DAGLA: variants seen among roughly 807,000 people sequenced by gnomAD.
DAGLA encodes the protein diacylglycerol lipase alpha.
In DAGLA, 22 loss-of-function variants were observed where a neutral mutation model predicts 102.6. The observed-to-expected ratio is 0.21, with a 90% CI of 0.15 to 0.31. The LOEUF (loss-of-function observed/expected upper bound fraction) is 0.31. Among genes scored for constraint, DAGLA ranks in the 10% least tolerant of loss-of-function variants. DAGLA has a pLI of 1.00. For synonymous variants in DAGLA, 578 were observed against 628.9 expected, an observed-to-expected ratio of 0.92 and a Z score of 1.21; for missense variants, 927 against 1,446.6, an observed-to-expected ratio of 0.64 and a Z score of 5.83.
At chr11:61,683,140 C>T (rs541907932) in intron 1 of DAGLA, among the ~76,000 whole-genome samples, 10 of 152,338 alleles carry the variant, frequency 6.6e-5, no homozygotes, top group African/African-American at 1.2e-4. Flanking sequence ...GCATTCCATG[C>T]GGGTGTCTGC....
intron 3 of DAGLA, among the ~76,000 whole-genome samples, chr11:61,721,254 T>TGTG (rs536303984): frequency 1.8e-3 from 273 of 152,070 alleles, no homozygotes; most frequent in African/African-American, 6.0e-3. Flanking sequence ...ATTAGCCAGG[T>TGTG]GTGGTGGCAC....
chr11:61,701,516 C>T (rs944405701), intron 1 of DAGLA, among the ~76,000 whole-genome samples: 3 of 152,218 alleles, frequency 2.0e-5, no homozygotes, highest in Non-Finnish European at 2.9e-5. Flanking sequence ...CGATGAGCCC[C>T]CATGTGGTGG....
In DAGLA at chr11:61,743,419, G is replaced by A. The variant is rs145749190; in HGVS notation, c.2172-113G>A. ...TCCCTGCTGCACATCATCAACAACT[G>A]CTAAATGAACTGTACCCTTTATTCC... On this transcript the variant is annotated intron_variant, in intron 19 of 19. Coordinates refer to ENST00000257215, the MANE Select transcript of DAGLA (RefSeq NM_006133.3). 429 of 747,320 alleles carry A rather than the reference G, an allele frequency of 5.7e-4. 1 individual carries two copies. In the African/African-American group the frequency reaches 6.5e-3, roughly 11 times the overall value. The allele number at this position is 747,320 out of a possible 1,614,324, so 46.3% of individuals were successfully genotyped here. A position where few individuals can be genotyped will look rare whatever the true frequency, so the allele number is the denominator to read the frequency against.
chr11:61,709,690 C>T (rs1319622035), intron 1 of DAGLA, among the ~76,000 whole-genome samples: 3 of 152,096 alleles, frequency 2.0e-5, no homozygotes. Flanking sequence ...TGGCAGGTGC[C>T]ACCTCCCTCT....
At chr11:61,735,505 T>G in intron 10 of DAGLA, 56 bp from the exon 11 acceptor site, 1 of 1,524,548 alleles carries the variant, frequency 6.6e-7, no homozygotes, top group South Asian at 1.1e-5. Context: ...TAGGTCACTT[T>G]CCCTGAGTGT....
chr11:61,682,815 G>A (rs2064953747), intron 1 of DAGLA, among the ~76,000 whole-genome samples: 1 of 150,794 alleles, frequency 6.6e-6, no homozygotes, highest in Non-Finnish European at 1.5e-5. Flanking sequence ...AGGTCTGGAT[G>A]GTTCTGCGGG....
At chr11:61,733,571 G>A (rs2065395798) in intron 9 of DAGLA, among the ~76,000 whole-genome samples, 1 of 152,256 alleles carries the variant, frequency 6.6e-6, no homozygotes, top group South Asian at 2.1e-4. Flanking sequence ...GTGGGCTCCA[G>A]CGTCTGGTGC....
chr11:61,742,710 G>T (rs1193251136), intron 19 of DAGLA, among the ~76,000 whole-genome samples: 1 of 152,148 alleles, frequency 6.6e-6, no homozygotes, highest in Non-Finnish European at 1.5e-5. Context: ...GGTGGAACCA[G>T]TTGGGCAGCT....
At position 61,720,002 on chromosome 11, in the gene DAGLA, T is replaced by C. The variant is rs2065268430; in HGVS notation, c.-44-110T>C. 8 of 694,924 alleles carry C rather than the reference T, an allele frequency of 1.2e-5. No homozygotes were observed. The East Asian group carries it at 2.2e-4, about 19-fold the overall frequency. 43.0% of individuals were successfully genotyped at this position (694,924 alleles called of 1,614,324 possible). A position where few individuals can be genotyped will look rare whatever the true frequency, so the allele number is the denominator to read the frequency against. Reference sequence around the variant, plus strand: ...CACTTCCAGTGGCCAGCTCCAAAAATGCCTGTGCTTCTGGCCACACCGGGG... The same window carrying C: ...CACTTCCAGTGGCCAGCTCCAAAAACGCCTGTGCTTCTGGCCACACCGGGG... On this transcript the variant is annotated intron_variant, in intron 1 of 19. Coordinates refer to ENST00000257215, the MANE Select transcript of DAGLA (RefSeq NM_006133.3).
chr11:61,703,034 G>A (rs2065120966), intron 1 of DAGLA, among the ~76,000 whole-genome samples: 2 of 152,238 alleles, frequency 1.3e-5, no homozygotes, highest in African/African-American at 4.8e-5. Flanking sequence ...TGTGGAAAGA[G>A]GCCAGGGCTG....
intron 1 of DAGLA, among the ~76,000 whole-genome samples, chr11:61,685,992 G>T (rs1308859774): frequency 6.6e-6 from 1 of 152,194 alleles, no homozygotes; most frequent in Non-Finnish European, 1.5e-5. Context: ...GAACGCATGG[G>T]CATTCACTGA....
chr11:61,680,885 T>A (rs544920720), intron 1 of DAGLA, among the ~76,000 whole-genome samples: 16 of 152,292 alleles, frequency 1.1e-4, no homozygotes, highest in African/African-American at 3.8e-4. Flanking sequence ...GGCCAGCTCG[T>A]GCCGGCATGG....
At chr11:61,738,253 C>T in intron 16 of DAGLA, 46 bp downstream of exon 16, 2 of 1,517,526 alleles carry the variant, frequency 1.3e-6, no homozygotes, top group Non-Finnish European at 1.8e-6. Flanking sequence ...CCTCATCTGT[C>T]CCTGCCCTTG....
chr11:61,711,594 G>A (rs1279805235), intron 1 of DAGLA, among the ~76,000 whole-genome samples: 1 of 152,214 alleles, frequency 6.6e-6, no homozygotes, highest in Non-Finnish European at 1.5e-5. Context: ...CCGCTCCCCA[G>A]CAGCCAGCCA....
chr11:61,744,024 G>T lies in DAGLA; in HGVS notation c.2664G>T (p.Gly888=). Reference sequence around the variant, plus strand: ...AAGAGGTTGGCGGTGGGGGTGGCGGGCCGGCCTCCCGCGGGGAGCTGGCGC... The same window carrying T: ...AAGAGGTTGGCGGTGGGGGTGGCGGTCCGGCCTCCCGCGGGGAGCTGGCGC... ...EEEEVGGGGG[G]PASRGELALH... Residue 888 remains glycine (G), a synonymous_variant, in exon 20 of 20, where the codon GGG becomes GGT. Coordinates refer to ENST00000257215, the MANE Select transcript of DAGLA (RefSeq NM_006133.3). 1 of 1,612,110 alleles carries T rather than the reference G, an allele frequency of 6.2e-7. No individual in the cohort carries two copies. Among genetic ancestry groups the T allele is most frequent in the Non-Finnish European group, 8.5e-7 (1 of 1,179,688 alleles).
chr11:61,711,053 A>T (rs1023274524), intron 1 of DAGLA, among the ~76,000 whole-genome samples: 11 of 152,298 alleles, frequency 7.2e-5, no homozygotes, highest in African/African-American at 2.6e-4. Context: ...ACCCCCTCCA[A>T]GTCGATGCCT....
At chr11:61,696,687 G>A (rs2065069274) in intron 1 of DAGLA, among the ~76,000 whole-genome samples, 1 of 152,162 alleles carries the variant, frequency 6.6e-6, no homozygotes, top group Non-Finnish European at 1.5e-5. Context: ...GGGGAAAACT[G>A]TAGTCCCTTC....
intron 19 of DAGLA, among the ~76,000 whole-genome samples, chr11:61,741,558 G>A (rs2453711): frequency 1.3e-5 from 2 of 152,022 alleles, no homozygotes; most frequent in Admixed American, 6.5e-5. Flanking sequence ...ATGAGCCAGG[G>A]GAGGCACACA....
At chr11:61,711,939 A>T (rs898136533) in intron 1 of DAGLA, among the ~76,000 whole-genome samples, 4 of 152,228 alleles carry the variant, frequency 2.6e-5, no homozygotes, top group Admixed American at 2.0e-4. Flanking sequence ...GGATTACATT[A>T]AAGGAGGTAA....
Sources: allele counts gnomAD v4.1 joint callset (sites outside exome capture counted in the v4.1 genomes callset), GRCh38; gene constraint gnomAD v4.1.1; transcripts MANE v1.5; gene names NCBI Gene and HGNC (gene_info 2026-07-23, HGNC 2026-07-21).